The following DHX35 variants were observed in gnomAD, a reference collection of about 807,000 sequenced individuals.
DHX35 encodes DEAH-box helicase 35, also known as probable ATP-dependent RNA helicase DHX35.
A neutral mutation model predicts 99.6 loss-of-function variants in DHX35; 84 were observed. The observed-to-expected ratio is 0.84, with a 90% CI of 0.71 to 1.01. The LOEUF (loss-of-function observed/expected upper bound fraction) is 1.01. DHX35 is among the 50% of genes least tolerant of loss of function. The pLI is 0.00. For synonymous variants in DHX35, 331 were observed against 316.2 expected (o/e 1.05, Z -0.50); for missense variants, 852 against 888.5 (o/e 0.96, Z 0.52).
chr20:38,992,048 G>T (rs1397850110), intron 6 of DHX35, among the ~76,000 whole-genome samples: 1 of 152,160 alleles, frequency 6.6e-6, no homozygotes, highest in Non-Finnish European at 1.5e-5. Flanking sequence ...TGATTTTTAT[G>T]TGTTCTGTGG....
rs188259042 is a variant in DHX35, at chr20:38,990,438, T to G, written c.451-1016T>G. On this transcript the variant is annotated intron_variant, in intron 5 of 21. Transcript: ENST00000252011. The stretch of plus-strand genomic sequence containing the variant: ...TTTATAAAGATTCATTAATCTGAAA[T>G]AATATTAGCTGACTTTTCTTAAACA... Among the ~76,000 whole-genome samples, 200 of 152,346 alleles carry G rather than the reference T, an allele frequency of 1.3e-3. 2 individuals are homozygous for G. The highest frequency in any genetic ancestry group is 0.012 in the Admixed American group (180 of 15,306).
intron 3 of DHX35, among the ~76,000 whole-genome samples, chr20:38,975,493 T>C (rs1328714551): frequency 6.6e-6 from 1 of 152,224 alleles, no homozygotes; most frequent in Non-Finnish European, 1.5e-5. Context: ...GCAAATACCA[T>C]TATTATCTTC....
intron 8 of DHX35, among the ~76,000 whole-genome samples, chr20:38,996,171 C>T (rs1024894667): frequency 2.0e-5 from 3 of 152,214 alleles, no homozygotes; most frequent in African/African-American, 2.4e-5. Flanking sequence ...TCTAAAACAG[C>T]ACCCCAGTTG....
At chr20:38,990,738 A>G (rs2086325374) in intron 5 of DHX35, among the ~76,000 whole-genome samples, 1 of 152,166 alleles carries the variant, frequency 6.6e-6, no homozygotes, top group Non-Finnish European at 1.5e-5. Context: ...TATATAATGG[A>G]CTTGAGCATC....
chr20:39,031,478 A>C (rs1182112158), intron 20 of DHX35, among the ~76,000 whole-genome samples: 1 of 151,974 alleles, frequency 6.6e-6, no homozygotes, highest in Non-Finnish European at 1.5e-5. Flanking sequence ...CTGAGACTAT[A>C]GATGTGTGCA....
intron 12 of DHX35, among the ~76,000 whole-genome samples, chr20:39,009,634 A>G (rs1460494848): frequency 6.6e-6 from 1 of 152,080 alleles, no homozygotes; most frequent in Non-Finnish European, 1.5e-5. Context: ...GCTTTTATAA[A>G]AAGGCCTTCT....
At chr20:39,021,212 A>G (rs900368295) in intron 15 of DHX35, among the ~76,000 whole-genome samples, 29 of 152,178 alleles carry the variant, frequency 1.9e-4, no homozygotes, top group African/African-American at 7.0e-4. Context: ...GAGCAGAGAA[A>G]CAGCAGAAGG....
Position 39,018,878 on chromosome 20 carries a change from G to T in DHX35, c.1477G>T (p.Ala493Ser), listed in dbSNP as rs1209295582. 2 of 1,613,856 alleles carry T rather than the reference G, an allele frequency of 1.2e-6. No homozygotes were observed. The highest frequency in any genetic ancestry group is 1.7e-6 in the Non-Finnish European group (2 of 1,179,964). The change falls in exon 15 of 22, where the codon GCC (alanine) becomes TCC (serine). Residue 493 changes from alanine to serine, a missense_variant. Ala to Ser is a moderately conservative substitution (Grantham distance 99). Transcript: ENST00000252011. ...IAEFPLNPMF[A>S]KMLLESGNFG... is the part of the protein sequence containing the mutation. ...AGAGTTTCCTTTGAATCCCATGTTT[G>T]CCAAAATGCTGCTTGAATCAGGTGG...
intron 16 of DHX35, among the ~76,000 whole-genome samples, 191 bp from the exon 17 acceptor site, chr20:39,023,499 C>T (rs1002572265): frequency 2.6e-5 from 4 of 152,046 alleles, no homozygotes; most frequent in African/African-American, 9.7e-5. Flanking sequence ...GAGGCATACA[C>T]CACCATGCCC....
chr20:39,012,324 A>G (rs180753912), intron 13 of DHX35, among the ~76,000 whole-genome samples: 104 of 152,328 alleles, frequency 6.8e-4, no homozygotes, highest in African/African-American at 2.4e-3. Flanking sequence ...ATTAAAGAAA[A>G]ACATACAGTG....
At chr20:39,003,691 A>G (rs2086561967) in intron 10 of DHX35, 58 bp from the exon 11 acceptor site, 2 of 1,562,536 alleles carry the variant, frequency 1.3e-6, no homozygotes, top group African/African-American at 1.4e-5. Context: ...TCAGTATGAT[A>G]AAATAGCATG....
intron 14 of DHX35, among the ~76,000 whole-genome samples, chr20:39,015,280 T>C (rs2086766875): frequency 1.3e-5 from 2 of 152,140 alleles, no homozygotes; most frequent in Non-Finnish European, 2.9e-5. Context: ...AACAACCACA[T>C]CCTTAAAAAT....
Position 39,038,828 on chromosome 20 carries a change from C to G in DHX35, c.*285C>G, listed in dbSNP as rs1030744096. On this transcript the variant is annotated 3_prime_UTR_variant, in exon 22 of 22. Coordinates refer to ENST00000252011, the MANE Select transcript of DHX35 (RefSeq NM_021931.4). The stretch of plus-strand genomic sequence containing the variant: ...CGCTCACTAACCCAGCATGCCACTT[C>G]CAGCAGGCATGCAGTCCTGGCCCAG... 8.1e-6 allele frequency: 4 copies of G among 495,970 alleles called. No individual in the cohort carries two copies. The highest frequency in any genetic ancestry group is 1.9e-5 in the African/African-American group (1 of 51,550). 30.7% of individuals were successfully genotyped at this position (495,970 alleles called of 1,614,324 possible).
chr20:39,008,974 C>T (rs1033293982), intron 12 of DHX35, among the ~76,000 whole-genome samples: 1 of 152,182 alleles, frequency 6.6e-6, no homozygotes, highest in African/African-American at 2.4e-5. Context: ...TGAGGGTCAA[C>T]TGTTTCTGGT....
At chr20:38,986,691 A>G (rs2086254517) in intron 4 of DHX35, among the ~76,000 whole-genome samples, 1 of 152,226 alleles carries the variant, frequency 6.6e-6, no homozygotes, top group Non-Finnish European at 1.5e-5. Context: ...AACAGTAACA[A>G]TAACAAATCT....
At chr20:38,993,876 C>T (rs553283465) in intron 7 of DHX35, among the ~76,000 whole-genome samples, 235 of 152,124 alleles carry the variant, frequency 1.5e-3, no homozygotes, top group Non-Finnish European at 1.5e-3. Context: ...TAGGTTGGTG[C>T]CTGGCATAGG....
intron 14 of DHX35, among the ~76,000 whole-genome samples, chr20:39,017,045 G>A (rs186003928): frequency 6.6e-6 from 1 of 151,920 alleles, no homozygotes; most frequent in Admixed American, 6.6e-5. Context: ...TTAAGTTTTT[G>A]TGTGGTTCCA....
At chr20:38,995,191 A>G (rs2086409278) in intron 8 of DHX35, among the ~76,000 whole-genome samples, 1 of 152,088 alleles carries the variant, frequency 6.6e-6, no homozygotes, top group Admixed American at 6.5e-5. Context: ...TTGTTTATTT[A>G]TGACTATACT....
chr20:38,976,544 A>C (rs1179688438), intron 3 of DHX35, among the ~76,000 whole-genome samples: 1 of 152,082 alleles, frequency 6.6e-6, no homozygotes, highest in African/African-American at 2.4e-5. Flanking sequence ...ATAATGATCA[A>C]ATCTGGGTCA....
Sources: allele counts gnomAD v4.1 joint callset (sites outside exome capture counted in the v4.1 genomes callset), GRCh38; gene constraint gnomAD v4.1.1; transcripts MANE v1.5; gene names NCBI Gene and HGNC (gene_info 2026-07-23, HGNC 2026-07-21).